The following CSTL1 variants were observed in gnomAD, a reference collection of about 807,000 sequenced individuals.
CSTL1 encodes the protein cystatin-like 1.
Under a neutral mutation model 14.4 loss-of-function variants are expected in CSTL1, and 14 were observed. The observed-to-expected ratio is 0.97, with a 90% confidence interval of 0.64 to 1.52. The LOEUF (loss-of-function observed/expected upper bound fraction) is 1.52. CSTL1 is among the 40% of genes most tolerant of loss of function. The pLI, the probability that CSTL1 is intolerant of heterozygous loss-of-function variation, is 0.00. For synonymous variants in CSTL1, 72 were observed against 67.5 expected, an observed-to-expected ratio of 1.07 and a Z score of -0.33; for missense variants, 170 against 168.7, an observed-to-expected ratio of 1.01 and a Z score of -0.04.
At chr20:23,460,735 T>C in the CSTL1 span, among the ~76,000 whole-genome samples, 1 of 152,136 alleles carries the variant, frequency 6.6e-6, no homozygotes, top group Non-Finnish European at 1.5e-5. Flanking sequence ...TTACTTAAGA[T>C]AACACAGACA....
the CSTL1 span, among the ~76,000 whole-genome samples, chr20:23,453,273 G>A: frequency 6.6e-6 from 1 of 152,090 alleles, no homozygotes; most frequent in Non-Finnish European, 1.5e-5. Flanking sequence ...CCCCAGCCTG[G>A]TTCCTGGAGA....
the CSTL1 span, among the ~76,000 whole-genome samples, chr20:23,455,967 A>C: frequency 2.0e-5 from 3 of 152,080 alleles, no homozygotes; most frequent in South Asian, 2.1e-4. Context: ...ACTCCCCTGC[A>C]GGCTGGAATA....
chr20:23,455,136 G>A, the CSTL1 span, among the ~76,000 whole-genome samples: 1 of 152,198 alleles, frequency 6.6e-6, no homozygotes, highest in Non-Finnish European at 1.5e-5. Context: ...AAAGACGAAA[G>A]GATTGTGGTG....
At chr20:23,446,261 T>G (rs1281619808), downstream of CSTL1, among the ~76,000 whole-genome samples, 1 of 151,680 alleles carries the variant, frequency 6.6e-6, no homozygotes, top group Non-Finnish European at 1.5e-5. Flanking sequence ...TTCTTTTTTT[T>G]TTTTCTTTTT....
At chr20:23,454,144 TCA>T in the CSTL1 span, among the ~76,000 whole-genome samples, 8 of 146,842 alleles carry the variant, frequency 5.4e-5, 1 homozygote, top group South Asian at 1.7e-3. Flanking sequence ...ACAACCACAC[TCA>T]CACTGAAACA....
the CSTL1 span, chr20:23,450,725 A>G: frequency 1.9e-6 from 1 of 537,386 alleles, no homozygotes; most frequent in Non-Finnish European, 3.3e-6. Context: ...GACCACAAAC[A>G]GAAGGACATT....
chr20:23,441,487 G>A (rs1986829726), intron 2 of CSTL1, among the ~76,000 whole-genome samples: 1 of 152,134 alleles, frequency 6.6e-6, no homozygotes, highest in Non-Finnish European at 1.5e-5. Context: ...TTGGTTCCAG[G>A]ACCCCTCAGG....
At chr20:23,452,922 A>G in the CSTL1 span, 1 of 763,452 alleles carries the variant, frequency 1.3e-6, no homozygotes. Context: ...GGTGGTGGAC[A>G]CCCACAGCTC....
At chr20:23,460,218 A>G in the CSTL1 span, among the ~76,000 whole-genome samples, 1 of 152,138 alleles carries the variant, frequency 6.6e-6, no homozygotes, top group East Asian at 1.9e-4. Context: ...GAGCTTCCCA[A>G]ATGCCCTCAC....
the CSTL1 span, among the ~76,000 whole-genome samples, chr20:23,450,822 G>A: frequency 7.2e-5 from 11 of 152,268 alleles, no homozygotes; most frequent in Non-Finnish European, 1.2e-4. Context: ...AAGTGTCTGC[G>A]CAGCCCATAT....
chr20:23,454,857 A>G, the CSTL1 span, among the ~76,000 whole-genome samples: 1 of 152,186 alleles, frequency 6.6e-6, no homozygotes, highest in Non-Finnish European at 1.5e-5. Context: ...ACAGAGCTGC[A>G]TTTTTGTTTG....
the CSTL1 span, among the ~76,000 whole-genome samples, chr20:23,457,888 G>C: frequency 2.0e-5 from 3 of 152,126 alleles, no homozygotes; most frequent in South Asian, 6.2e-4. Flanking sequence ...GCCAAAGAAA[G>C]GCTCATTGTC....
the CSTL1 span, among the ~76,000 whole-genome samples, chr20:23,454,338 TACAC>T: frequency 1.6e-5 from 2 of 127,382 alleles, no homozygotes; most frequent in African/African-American, 6.1e-5. Context: ...ACACACAACA[TACAC>T]ACACACCTAC....
chr20:23,457,926 G>A, the CSTL1 span, among the ~76,000 whole-genome samples: 1 of 152,026 alleles, frequency 6.6e-6, no homozygotes, highest in Admixed American at 6.6e-5. Flanking sequence ...CCTCTCTGGG[G>A]TACCCTATTT....
At chr20:23,453,936 AAC>A in the CSTL1 span, among the ~76,000 whole-genome samples, 4 of 152,064 alleles carry the variant, frequency 2.6e-5, no homozygotes, top group South Asian at 2.1e-4. Context: ...CTCACACTGA[AAC>A]ACAGACACAC....
At chr20:23,446,514 C>T (rs549920812), downstream of CSTL1, among the ~76,000 whole-genome samples, 1 of 152,208 alleles carries the variant, frequency 6.6e-6, no homozygotes, top group South Asian at 2.1e-4. Context: ...CCTCCGCCTC[C>T]CAAAGTGCTG....
In CSTL1 at chr20:23,440,172, T is replaced by G; in HGVS notation, c.-96T>G. The G allele has an allele frequency of 7.8e-7, 1 of 1,275,348 alleles. No individual in the cohort carries two copies. Among genetic ancestry groups the G allele is most frequent in the Non-Finnish European group, 1.1e-6 (1 of 888,888 alleles). 79.0% of individuals were successfully genotyped at this position (1,275,348 alleles called of 1,614,324 possible). On this transcript the variant is annotated 5_prime_UTR_variant, in exon 2 of 4. Coordinates refer to ENST00000347397, the MANE Select transcript of CSTL1 (RefSeq NM_138283.1). ...GGCCATCCCCCAGGAAAGCCTATGT[T>G]GGTGAGGGTTATGATGGGAGAATGA... is the stretch of plus-strand genomic sequence containing the variant.
At chr20:23,452,584 C>T in the CSTL1 span, 2 of 1,604,528 alleles carry the variant, frequency 1.2e-6, no homozygotes, top group Non-Finnish European at 1.7e-6. Context: ...ATACACTCAC[C>T]TGCCTCTGGA....
At chr20:23,448,046 T>C (rs930522075), downstream of CSTL1, among the ~76,000 whole-genome samples, 1 of 152,122 alleles carries the variant, frequency 6.6e-6, no homozygotes, top group Non-Finnish European at 1.5e-5. Context: ...TTATTATTAT[T>C]TTATTTCAAT....
Sources: gnomAD v4.1 joint callset for allele counts (sites outside exome capture counted in the v4.1 genomes callset) on GRCh38, gnomAD v4.1.1 for gene constraint, MANE v1.5 for transcripts, NCBI Gene and HGNC (gene_info 2026-07-23, HGNC 2026-07-21) for gene names.